Variants in KAZN observed in about 807,000 individuals in gnomAD.
The protein encoded by KAZN is kazrin.
In KAZN, 40 loss-of-function variants were observed where a neutral mutation model predicts 87.4. The observed-to-expected ratio is 0.46, with a 90% CI of 0.36 to 0.60. KAZN has a LOEUF of 0.60. Among genes scored for constraint, KAZN ranks in the 20% least tolerant of loss-of-function variants. The pLI is 0.00. For synonymous variants in KAZN, 466 were observed against 458.3 expected (o/e 1.02, Z -0.22); for missense variants, 898 against 1,073.9 (o/e 0.84, Z 2.29).
chr1:14,921,153 AACACACACACACACAC>A, intron 1 of KAZN, among the ~76,000 whole-genome samples: 1 of 144,508 alleles, frequency 6.9e-6, no homozygotes. Flanking sequence ...CTGAGCATGC[AACACACACACACACAC>A]ACACACACAC....
At chr1:14,917,839 C>CTT (rs1332619888) in intron 1 of KAZN, among the ~76,000 whole-genome samples, 4 of 136,276 alleles carry the variant, frequency 2.9e-5, no homozygotes, top group Non-Finnish European at 6.5e-5. Flanking sequence ...TCTAAATGTA[C>CTT]TTCTTTCTTT....
At chr1:14,848,795 A>G (rs11585094) in intron 1 of KAZN, among the ~76,000 whole-genome samples, 28,677 of 152,130 alleles carry the variant, frequency 0.19, 3,699 homozygotes, top group African/African-American at 0.37. Context: ...TGAAGCGGGG[A>G]CATTTGCATC....
intron 2 of KAZN, among the ~76,000 whole-genome samples, chr1:14,215,557 T>C (rs1245012470): frequency 1.3e-5 from 2 of 152,228 alleles, no homozygotes; most frequent in Non-Finnish European, 2.9e-5. Flanking sequence ...AAGTTGCAGT[T>C]GAATAGCCTT....
intron 2 of KAZN, among the ~76,000 whole-genome samples, chr1:14,545,103 T>G (rs1425971351): frequency 1.3e-5 from 2 of 152,234 alleles, no homozygotes; most frequent in African/African-American, 4.8e-5. Context: ...CACAAAATGC[T>G]CTAAGATCTT....
intron 1 of KAZN, among the ~76,000 whole-genome samples, chr1:14,824,113 CAAAAA>C (rs56851270): frequency 3.2e-5 from 4 of 125,252 alleles, no homozygotes; most frequent in Non-Finnish European, 5.0e-5. Flanking sequence ...GACTCCATCT[CAAAAA>C]AAAAAAAAAA....
chr1:13,937,297 GC>G (rs1640778090), intron 1 of KAZN, among the ~76,000 whole-genome samples: 1 of 152,140 alleles, frequency 6.6e-6, no homozygotes, highest in African/African-American at 2.4e-5. Context: ...GCCTGCCTTG[GC>G]CACCCAAAGT....
chr1:15,005,907 G>A (rs964283876), intron 2 of KAZN, among the ~76,000 whole-genome samples: 2 of 152,176 alleles, frequency 1.3e-5, no homozygotes, highest in African/African-American at 2.4e-5. Context: ...TCAGCGGGCC[G>A]CAGTGGCACT....
chr1:14,410,191 A>G (rs1248154432), intron 2 of KAZN, among the ~76,000 whole-genome samples: 1 of 152,164 alleles, frequency 6.6e-6, no homozygotes, highest in Non-Finnish European at 1.5e-5. Context: ...GCAACCTCCG[A>G]CTACCGGGTT....
intron 1 of KAZN, among the ~76,000 whole-genome samples, chr1:14,136,051 G>T (rs937985091): frequency 2.0e-5 from 3 of 152,066 alleles, no homozygotes; most frequent in African/African-American, 7.2e-5. Context: ...TCTGAAGAAT[G>T]GGGGAGAGAA....
intron 2 of KAZN, among the ~76,000 whole-genome samples, chr1:14,438,263 G>A (rs140786999): frequency 3.4e-4 from 52 of 152,290 alleles, no homozygotes; most frequent in African/African-American, 1.3e-3. Flanking sequence ...GGTGCCCAGT[G>A]CTGTTCCCAA....
intron 1 of KAZN, among the ~76,000 whole-genome samples, chr1:14,907,884 A>G (rs1010717450): frequency 1.3e-5 from 2 of 152,190 alleles, no homozygotes; most frequent in Non-Finnish European, 2.9e-5. Context: ...CCCAGAGCCC[A>G]TGAGCCCACG....
At chr1:14,263,136 G>A in intron 2 of KAZN, among the ~76,000 whole-genome samples, 1 of 152,170 alleles carries the variant, frequency 6.6e-6, no homozygotes, top group African/African-American at 2.4e-5. Context: ...AGTTTACCAA[G>A]TTTTTTGAAG....
chr1:14,679,022 A>T lies in KAZN; in HGVS notation c.226+79799A>T, dbSNP rs144053121. 3.5e-3 allele frequency among the ~76,000 whole-genome samples: 533 copies of T among 152,354 alleles called. 4 individuals carry two copies. Among genetic ancestry groups the T allele is most frequent in the African/African-American group, 0.012 (490 of 41,582 alleles). ...AAGCAGCAAATGTTTCTGTTAATGC[A>T]CAGACTTTACCTTTTGCAAGCCTAC... On this transcript the variant is annotated intron_variant, in intron 1 of 14. Coordinates refer to ENST00000376030, the MANE Select transcript of KAZN (RefSeq NM_201628.3).
intron 1 of KAZN, among the ~76,000 whole-genome samples, chr1:13,993,417 T>A (rs1639374215): frequency 6.6e-6 from 1 of 152,214 alleles, no homozygotes; most frequent in African/African-American, 2.4e-5. Context: ...TGACATTAAA[T>A]TGTTTGATAT....
At chr1:14,976,031 CAAAA>C (rs1162988294) in intron 2 of KAZN, among the ~76,000 whole-genome samples, 3 of 85,546 alleles carry the variant, frequency 3.5e-5, no homozygotes, top group Non-Finnish European at 4.7e-5. Flanking sequence ...GACTCCGTCT[CAAAA>C]AAAAAAAAAA....
chr1:14,412,218 A>G (rs1362348090), intron 2 of KAZN, among the ~76,000 whole-genome samples: 1 of 152,258 alleles, frequency 6.6e-6, no homozygotes, highest in Non-Finnish European at 1.5e-5. Context: ...TATATCAAGT[A>G]TCATAAAAAT....
At chr1:14,174,763 T>C (rs1179832651) in intron 1 of KAZN, among the ~76,000 whole-genome samples, 4 of 151,730 alleles carry the variant, frequency 2.6e-5, no homozygotes, top group Non-Finnish European at 5.9e-5. Flanking sequence ...GGAATGATAA[T>C]CTAATAGTTA....
chr1:13,899,886 T>G (rs1639182948), intron 1 of KAZN, among the ~76,000 whole-genome samples: 1 of 152,156 alleles, frequency 6.6e-6, no homozygotes. Flanking sequence ...TCAGGTGATC[T>G]GCCTGCCTCG....
chr1:14,322,134 A>G (rs1656088761), intron 2 of KAZN, among the ~76,000 whole-genome samples: 1 of 152,156 alleles, frequency 6.6e-6, no homozygotes, highest in African/African-American at 2.4e-5. Flanking sequence ...AACTTGGTCT[A>G]AAAACCAATT....
Sources: allele counts gnomAD v4.1 joint callset (sites outside exome capture counted in the v4.1 genomes callset), GRCh38; gene constraint gnomAD v4.1.1; transcripts MANE v1.5; gene names NCBI Gene and HGNC (gene_info 2026-07-23, HGNC 2026-07-21).